FRK: variants seen among roughly 807,000 people sequenced by gnomAD.
FRK encodes tyrosine-protein kinase FRK.
A neutral mutation model predicts 56.4 loss-of-function variants in FRK; 51 were observed. The observed-to-expected ratio is 0.90, with a 90% CI of 0.72 to 1.14. The LOEUF (loss-of-function observed/expected upper bound fraction) is 1.14, where lower values mean the gene tolerates loss of function less well. Among genes scored for constraint, FRK ranks in the 50% most tolerant of loss-of-function variants. FRK has a pLI of 0.00. For missense variants in FRK, 570 were observed against 601.4 expected (o/e 0.95, Z 0.55); for synonymous variants, 245 against 217.9 (o/e 1.12, Z -1.10).
At chr6:116,059,854 C>A in intron 1 of FRK, 114 bp downstream of exon 1, 1 of 902,496 alleles carries the variant, frequency 1.1e-6, no homozygotes. Flanking sequence ...AGTACTTCCT[C>A]ATACTTTTTA....
At chr6:116,029,961 T>A (rs1776240941) in intron 1 of FRK, among the ~76,000 whole-genome samples, 1 of 152,180 alleles carries the variant, frequency 6.6e-6, no homozygotes, top group Non-Finnish European at 1.5e-5. Flanking sequence ...TAATTCCAGA[T>A]CCTATTTATT....
intron 5 of FRK, among the ~76,000 whole-genome samples, chr6:115,946,929 G>C (rs536541151): frequency 6.6e-6 from 1 of 152,252 alleles, no homozygotes; most frequent in Admixed American, 6.5e-5. Context: ...AGAGCAGTTT[G>C]ACTGGAGATC....
At chr6:116,071,390 C>T in the FRK span, among the ~76,000 whole-genome samples, 2 of 152,062 alleles carry the variant, frequency 1.3e-5, no homozygotes, top group East Asian at 3.9e-4. Context: ...AGAAAATATA[C>T]GAATTGAGTT....
chr6:115,970,492 A>C (rs1173561251), intron 2 of FRK, among the ~76,000 whole-genome samples: 2 of 152,256 alleles, frequency 1.3e-5, no homozygotes, highest in African/African-American at 4.8e-5. Context: ...CAATTGAATT[A>C]GCTAAAAAAT....
At chr6:115,996,152 G>A (rs954045498) in intron 2 of FRK, among the ~76,000 whole-genome samples, 1 of 151,716 alleles carries the variant, frequency 6.6e-6, no homozygotes, top group Non-Finnish European at 1.5e-5. Context: ...TATTTTTTTT[G>A]TTTTTCCAGT....
the FRK span, among the ~76,000 whole-genome samples, chr6:116,078,494 T>G: frequency 4.6e-5 from 7 of 152,342 alleles, no homozygotes; most frequent in South Asian, 4.1e-4. Context: ...GGGGTTGGTT[T>G]GTTTGTTTTA....
At chr6:115,942,964 C>G in intron 7 of FRK, 56 bp downstream of exon 7, 1 of 1,546,626 alleles carries the variant, frequency 6.5e-7, no homozygotes, top group Non-Finnish European at 8.8e-7. Context: ...CAGTTAAAAT[C>G]ACACCTAAGT....
intron 4 of FRK, among the ~76,000 whole-genome samples, chr6:115,966,051 A>G (rs1488510104): frequency 5.9e-4 from 1 of 1,696 alleles, no homozygotes; most frequent in Non-Finnish European, 1.8e-3. Context: ...AAAGTATAAT[A>G]AAAAAAAAAT....
intron 1 of FRK, chr6:116,039,405 G>C (rs1776626070): frequency 6.4e-7 from 1 of 1,572,750 alleles, no homozygotes; most frequent in African/African-American, 1.3e-5. Flanking sequence ...CCTGCAAGGA[G>C]CTGGCCAGCC....
chr6:115,956,340 A>C, intron 5 of FRK, 112 bp downstream of exon 5: 1 of 643,372 alleles, frequency 1.6e-6, no homozygotes, highest in Non-Finnish European at 2.4e-6. Flanking sequence ...ATTCTCACAG[A>C]CATACACATA....
At chr6:116,072,410 C>A in the FRK span, among the ~76,000 whole-genome samples, 15 of 152,050 alleles carry the variant, frequency 9.9e-5, no homozygotes, top group Non-Finnish European at 2.1e-4. Flanking sequence ...ATTTCCAGTT[C>A]TCATCTTCTA....
chr6:115,956,127 T>C (rs780999458), intron 5 of FRK, among the ~76,000 whole-genome samples: 23 of 152,210 alleles, frequency 1.5e-4, no homozygotes, highest in Non-Finnish European at 3.2e-4. Context: ...TAACTGATAA[T>C]GTTCAATTAG....
At chr6:116,091,308 A>G in the FRK span, among the ~76,000 whole-genome samples, 6,443 of 152,308 alleles carry the variant, frequency 0.042, 206 homozygotes, top group Non-Finnish European at 0.062. Context: ...AAAATGGACC[A>G]ATCAGCAGGA....
At chr6:116,016,826 T>G (rs1775676427) in intron 1 of FRK, among the ~76,000 whole-genome samples, 1 of 152,172 alleles carries the variant, frequency 6.6e-6, no homozygotes, top group Non-Finnish European at 1.5e-5. Context: ...ATAACACCAA[T>G]GTTAATAACT....
Position 116,010,791 on chromosome 6 carries a change from C to T in FRK, c.345-6793G>A, listed in dbSNP as rs572491945. Among the ~76,000 whole-genome samples the T allele has an allele frequency of 1.2e-4, 19 of 152,250 alleles. No homozygotes were observed. In the South Asian group the frequency reaches 3.7e-3, roughly 30 times the overall value. ...TGCTTTATGTCTCGACACATTCATGCTCAATAAATAGTAGAGATTTTAAGA... is the reference window on the plus strand; with the variant it reads ...TGCTTTATGTCTCGACACATTCATGTTCAATAAATAGTAGAGATTTTAAGA... On this transcript the variant is annotated intron_variant, in intron 1 of 7. Transcript: ENST00000606080.
At chr6:116,066,986 G>A in the FRK span, among the ~76,000 whole-genome samples, 12 of 152,232 alleles carry the variant, frequency 7.9e-5, no homozygotes, top group African/African-American at 1.7e-4. Flanking sequence ...ACTTCAGAAC[G>A]TGACCTTATT....
chr6:116,035,883 C>T (rs1269025728), intron 1 of FRK, among the ~76,000 whole-genome samples: 2 of 152,162 alleles, frequency 1.3e-5, no homozygotes, highest in East Asian at 3.9e-4. Context: ...TTGACACTTG[C>T]TACTTTCCTT....
the FRK span, among the ~76,000 whole-genome samples, chr6:116,099,631 G>A: frequency 2.0e-5 from 3 of 152,170 alleles, no homozygotes; most frequent in African/African-American, 7.2e-5. Flanking sequence ...GTGTTATAAT[G>A]GAACAAGTTA....
rs184262292 is a variant in FRK, at chr6:115,935,168, G to A, written c.*7246C>T. 3 of 152,520 alleles carry A rather than the reference G, an allele frequency of 2.0e-5. No individual in the cohort carries two copies. The highest frequency in any genetic ancestry group is 6.5e-5 in the Admixed American group (1 of 15,312). The allele number at this position is 152,520 out of a possible 1,614,324, so 9.4% of individuals were successfully genotyped here. A position where few individuals can be genotyped will look rare whatever the true frequency, so the allele number is the denominator to read the frequency against. The stretch of plus-strand genomic sequence containing the variant: ...TACCCAGTTCATATCAGTGGGACTG[G>A]TTGGACAGTGGGTGCAGCCCATGGA... On this transcript the variant is annotated 3_prime_UTR_variant, in exon 8 of 8. Transcript: ENST00000606080.
Sources: allele counts gnomAD v4.1 joint callset (sites outside exome capture counted in the v4.1 genomes callset), GRCh38; gene constraint gnomAD v4.1.1; transcripts MANE v1.5; gene names NCBI Gene and HGNC (gene_info 2026-07-23, HGNC 2026-07-21).